The following MYO3B variants were observed in gnomAD, a reference collection of about 807,000 sequenced individuals.
MYO3B encodes the protein myosin IIIB.
In MYO3B, 156 loss-of-function variants were observed where a neutral mutation model predicts 174.6. The ratio of observed to expected loss-of-function variants is 0.89; its 90% CI spans 0.78 to 1.02. The LOEUF (loss-of-function observed/expected upper bound fraction) is 1.02. MYO3B is among the 50% of genes least tolerant of loss of function. MYO3B has a pLI of 0.00. For missense variants in MYO3B, 1,632 were observed against 1,639.4 expected (o/e 1.00, Z 0.08); for synonymous variants, 563 against 569.1 (o/e 0.99, Z 0.15).
At position 170,558,072 on chromosome 2, in the gene MYO3B, C is replaced by T. The variant is rs548085913; in HGVS notation, c.3733+14084C>T. ...ATCCCAACACTTTGGGAGACCAAGG[C>T]GGGCGGATCACAAGGTCAGGAGATC... On this transcript the variant is annotated intron_variant, in intron 32 of 34. Coordinates refer to ENST00000408978, the MANE Select transcript of MYO3B (RefSeq NM_138995.5). Among the ~76,000 whole-genome samples the T allele has an allele frequency of 1.1e-3, 162 of 152,250 alleles. 1 individual carries two copies. Among genetic ancestry groups the T allele is most frequent in the African/African-American group, 3.7e-3 (152 of 41,552 alleles).
intron 8 of MYO3B, among the ~76,000 whole-genome samples, chr2:170,347,407 G>A (rs1381708748): frequency 6.6e-6 from 1 of 152,094 alleles, no homozygotes; most frequent in Non-Finnish European, 1.5e-5. Context: ...TTCAAGACCA[G>A]CCTGGCCAAC....
chr2:170,607,822 A>G (rs1302667536), intron 32 of MYO3B, among the ~76,000 whole-genome samples: 1 of 152,212 alleles, frequency 6.6e-6, no homozygotes, highest in Admixed American at 6.5e-5. Flanking sequence ...GCATTTTATA[A>G]TAATGTAGGT....
chr2:170,653,148 C>A lies in MYO3B; in HGVS notation c.*27C>A, dbSNP rs1398078253. 4.3e-6 allele frequency: 7 copies of A among 1,613,316 alleles called. No homozygotes were observed. The highest frequency in any genetic ancestry group is 5.9e-6 in the Non-Finnish European group (7 of 1,179,504). On this transcript the variant is annotated 3_prime_UTR_variant, in exon 35 of 35. Transcript: ENST00000408978. ...TTGTGCTTCCTAACCCTAAATCTGTCCAGAGTAGGAACATTCATGGTAATC... is the reference window on the plus strand; with the variant it reads ...TTGTGCTTCCTAACCCTAAATCTGTACAGAGTAGGAACATTCATGGTAATC...
intron 32 of MYO3B, among the ~76,000 whole-genome samples, chr2:170,563,897 G>T (rs1691898833): frequency 6.6e-6 from 1 of 152,172 alleles, no homozygotes; most frequent in Admixed American, 6.5e-5. Context: ...AGAAGAAGCT[G>T]GGAAGCATAG....
In MYO3B at chr2:170,223,980, T is replaced by A. The variant is rs538946934; in HGVS notation, c.603+6585T>A. On this transcript the variant is annotated intron_variant, in intron 6 of 34. Coordinates refer to ENST00000408978, the MANE Select transcript of MYO3B (RefSeq NM_138995.5). ...TTGAGTGCTCCTCAGCCACCAGAGG[T>A]GCCCTGTCTTTTACCCTGGGACATT... 2.6e-5 allele frequency among the ~76,000 whole-genome samples: 4 copies of A among 152,222 alleles called. No individual in the cohort carries two copies. In the South Asian group the frequency reaches 8.3e-4, roughly 32 times the overall value.
At chr2:170,476,277 C>A (rs1220285833) in intron 25 of MYO3B, among the ~76,000 whole-genome samples, 1 of 151,894 alleles carries the variant, frequency 6.6e-6, no homozygotes, top group Non-Finnish European at 1.5e-5. Context: ...TGTTACAGTG[C>A]ACTCTTTCAG....
intron 7 of MYO3B, among the ~76,000 whole-genome samples, chr2:170,239,898 C>G (rs1346089153): frequency 6.6e-6 from 1 of 152,146 alleles, no homozygotes; most frequent in African/African-American, 2.4e-5. Context: ...CCCACATCAG[C>G]GGGTCAGCAG....
At chr2:170,246,993 T>C (rs2093198059) in intron 7 of MYO3B, among the ~76,000 whole-genome samples, 1 of 152,166 alleles carries the variant, frequency 6.6e-6, no homozygotes, top group African/African-American at 2.4e-5. Context: ...CATAACATAC[T>C]TGGCAGTTCT....
At chr2:170,405,244 A>G (rs946642062) in intron 20 of MYO3B, among the ~76,000 whole-genome samples, 1 of 152,220 alleles carries the variant, frequency 6.6e-6, no homozygotes, top group Non-Finnish European at 1.5e-5. Context: ...AGTTTAAACC[A>G]GGTTCTAAAA....
chr2:170,444,077 T>C (rs769755571), intron 23 of MYO3B, 31 bp downstream of exon 23: 9 of 1,580,612 alleles, frequency 5.7e-6, no homozygotes, highest in Non-Finnish European at 7.8e-6. Flanking sequence ...AAATATAGTA[T>C]GGACTGGCAG....
At chr2:170,376,316 T>C (rs2094292852) in intron 9 of MYO3B, among the ~76,000 whole-genome samples, 1 of 152,232 alleles carries the variant, frequency 6.6e-6, no homozygotes, top group African/African-American at 2.4e-5. Flanking sequence ...GGTCCATTAT[T>C]ATATAGTTAC....
intron 7 of MYO3B, among the ~76,000 whole-genome samples, chr2:170,311,812 C>T (rs1388536341): frequency 1.3e-5 from 2 of 152,098 alleles, no homozygotes; most frequent in Admixed American, 6.6e-5. Context: ...CCAACTTCGT[C>T]TTTTGTGTCT....
In MYO3B at chr2:170,499,758, A is replaced by G; in HGVS notation, c.3239A>G (p.Tyr1080Cys). The G allele has an allele frequency of 6.2e-7, 1 of 1,614,098 alleles. No homozygotes were observed. The highest frequency in any genetic ancestry group is 8.5e-7 in the Non-Finnish European group (1 of 1,179,976). The stretch of plus-strand genomic sequence containing the variant: ...AAGGGGTGGCTTGGAGCCAGGAGAT[A>G]CAAAAGGGTCAGAGAGAAGAGAGAG... ...YTKGWLGARR[Y>C]KRVREKREKG... Residue 1080 changes from tyrosine to cysteine, a missense_variant, in exon 27 of 35, where the codon TAC (tyrosine) becomes TGC (cysteine). Transcript: ENST00000408978.
intron 32 of MYO3B, among the ~76,000 whole-genome samples, chr2:170,643,361 C>G (rs761193552): frequency 1.1e-4 from 16 of 152,228 alleles, no homozygotes; most frequent in Non-Finnish European, 1.9e-4. Context: ...ATGGGAGTAT[C>G]CACTGGAGTA....
intron 25 of MYO3B, among the ~76,000 whole-genome samples, chr2:170,476,079 C>G (rs575812716): frequency 1.3e-5 from 2 of 152,182 alleles, no homozygotes; most frequent in African/African-American, 2.4e-5. Flanking sequence ...CCTGTCCCCC[C>G]CCACAGGACA....
Position 170,383,186 on chromosome 2 carries a change from A to G in MYO3B, c.1182A>G (p.Pro394=). 6.4e-7 allele frequency: 1 copy of G among 1,572,276 alleles called. No homozygotes were observed. Among genetic ancestry groups the G allele is most frequent in the Non-Finnish European group, 8.8e-7 (1 of 1,142,282 alleles). The change falls in exon 11 of 35, where the codon CCA becomes CCG. Residue 394 remains proline, a synonymous_variant. Coordinates refer to ENST00000408978, the MANE Select transcript of MYO3B (RefSeq NM_138995.5). ...TCCAGAATCTAAGCATATACTCTCC[A>G]CAGGTAAGGGATGTTTTAAGAGCAT... ...NPFQNLSIYS[P]QFSRLYHGVK... is the part of the protein sequence containing the mutation.
At chr2:170,196,718 C>G (rs139965595) in intron 1 of MYO3B, among the ~76,000 whole-genome samples, 274 of 152,222 alleles carry the variant, frequency 1.8e-3, no homozygotes, top group African/African-American at 6.3e-3. Context: ...TCTAGCTAAC[C>G]CCTCTAGTGC....
chr2:170,337,173 G>T (rs1438194062), intron 8 of MYO3B, among the ~76,000 whole-genome samples: 5 of 151,958 alleles, frequency 3.3e-5, no homozygotes, highest in Non-Finnish European at 5.9e-5. Flanking sequence ...CAGAGGTTTG[G>T]GACCCAAAAG....
chr2:170,443,955 T>C lies in MYO3B; in HGVS notation c.2651-12T>C. 6.2e-7 allele frequency: 1 copy of C among 1,604,258 alleles called. No homozygotes were observed. Among genetic ancestry groups the C allele is most frequent in the East Asian group, 2.2e-5 (1 of 44,838 alleles). ...TTCCTTTAATTTATGTTCTTTGTGG[T>C]CTCTTTCTCAGGTAATTTGGCCCAG... On this transcript the variant is annotated splice_polypyrimidine_tract_variant and intron_variant, in intron 22 of 34. Transcript: ENST00000408978.
Sources: allele counts gnomAD v4.1 joint callset (sites outside exome capture counted in the v4.1 genomes callset), GRCh38; gene constraint gnomAD v4.1.1; transcripts MANE v1.5; gene names NCBI Gene and HGNC (gene_info 2026-07-23, HGNC 2026-07-21).